The following SNX13 variants were observed in gnomAD, a reference collection of about 807,000 sequenced individuals.
The protein encoded by SNX13 is sorting nexin-13.
SNX13 carries 45 observed loss-of-function variants against 133.6 expected under a neutral mutation model. That is an observed-to-expected ratio of 0.34 (90% CI 0.27 to 0.43). The LOEUF is 0.43. SNX13 is among the 20% of genes least tolerant of loss of function. The probability of loss-of-function intolerance (pLI) is 1.00; values close to 1 mark genes in which losing one functional copy is unlikely to be tolerated. For synonymous variants in SNX13, 414 were observed against 373.9 expected (o/e 1.11, Z -1.24); for missense variants, 1,032 against 1,145.1 (o/e 0.90, Z 1.43).
chr7:17,827,649 A>G (rs904660918), intron 16 of SNX13, among the ~76,000 whole-genome samples: 10 of 151,926 alleles, frequency 6.6e-5, no homozygotes, highest in Non-Finnish European at 1.3e-4. Context: ...TCTACTACCA[A>G]TACCTTAAGA....
Position 17,794,258 on chromosome 7 carries a change from T to A in SNX13, c.2661A>T (p.Thr887=). ...ELKHIIGAET[T]RKGILRVFEM... The stretch of plus-strand genomic sequence containing the variant: ...CAAAAACACGAAGAATACCTTTCCG[T>A]GTTGTCTCAGCCCCAATAATGTGCT... The change falls in exon 26 of 26, where the codon ACA becomes ACT. Residue 887 remains threonine, a synonymous_variant. Coordinates refer to ENST00000428135, the MANE Select transcript of SNX13 (RefSeq NM_015132.5). 1 of 1,611,480 alleles carries A rather than the reference T, an allele frequency of 6.2e-7. No individual in the cohort carries two copies.
chr7:17,805,246 T>TGCGC (rs1255822051), intron 20 of SNX13, among the ~76,000 whole-genome samples: 9 of 100,254 alleles, frequency 9.0e-5, no homozygotes, highest in South Asian at 3.0e-4. Context: ...TGTGTGTGTG[T>TGCGC]GTGTGCGTGC....
chr7:17,868,083 C>A (rs1793616453), intron 9 of SNX13, among the ~76,000 whole-genome samples: 1 of 151,846 alleles, frequency 6.6e-6, no homozygotes, highest in Admixed American at 6.6e-5. Flanking sequence ...GTTCAAATCC[C>A]AAGTTGTATT....
chr7:17,810,486 A>G (rs1714661731), intron 20 of SNX13, among the ~76,000 whole-genome samples: 1 of 152,126 alleles, frequency 6.6e-6, no homozygotes, highest in South Asian at 2.1e-4. Context: ...AGCCTACCAA[A>G]GAAAAAAAAA....
At position 17,862,754 on chromosome 7, in the gene SNX13, C is replaced by T. The variant is rs189107596; in HGVS notation, c.837+5653G>A. ...CTACTATAACCAATGCTGCTATGAA[C>T]GGTCTTAAATATACATTATTGGAGG... On this transcript the variant is annotated intron_variant, in intron 9 of 25. Transcript: ENST00000428135. 3.8e-3 allele frequency among the ~76,000 whole-genome samples: 578 copies of T among 152,194 alleles called. 5 individuals are homozygous for T. The highest frequency in any genetic ancestry group is 0.013 in the African/African-American group (537 of 41,526).
intron 20 of SNX13, among the ~76,000 whole-genome samples, chr7:17,809,914 G>C (rs888603590): frequency 2.6e-5 from 4 of 152,168 alleles, no homozygotes; most frequent in African/African-American, 9.7e-5. Context: ...TACGTTCCTT[G>C]AAACTAATGA....
chr7:17,803,644 G>A, intron 20 of SNX13, 64 bp from the exon 21 acceptor site: 1 of 1,431,836 alleles, frequency 7.0e-7, no homozygotes, highest in Non-Finnish European at 9.4e-7. Flanking sequence ...CAAATGACAA[G>A]CCTTGGAAAA....
At chr7:17,919,581 G>A (rs1298906886) in intron 1 of SNX13, among the ~76,000 whole-genome samples, 1 of 152,082 alleles carries the variant, frequency 6.6e-6, no homozygotes, top group Non-Finnish European at 1.5e-5. Flanking sequence ...ACACAACTTA[G>A]AAATGTACCC....
At chr7:17,801,482 TATA>T in intron 22 of SNX13, 103 bp downstream of exon 22, 2 of 788,650 alleles carry the variant, frequency 2.5e-6, no homozygotes, top group Non-Finnish European at 4.0e-6. Context: ...GCTTAACACT[TATA>T]ATATGTGCAC....
chr7:17,840,536 T>C (rs1369860904), intron 12 of SNX13, among the ~76,000 whole-genome samples: 1 of 152,068 alleles, frequency 6.6e-6, no homozygotes, highest in Non-Finnish European at 1.5e-5. Context: ...ACAGGTTATA[T>C]ACATTGTATG....
intron 9 of SNX13, among the ~76,000 whole-genome samples, chr7:17,863,529 T>C (rs1273567924): frequency 6.6e-6 from 1 of 152,206 alleles, no homozygotes; most frequent in Non-Finnish European, 1.5e-5. Context: ...CCCAAGAATA[T>C]ACATCTTTCC....
intron 12 of SNX13, among the ~76,000 whole-genome samples, chr7:17,841,975 C>A (rs1789959946): frequency 1.3e-5 from 2 of 151,756 alleles, no homozygotes; most frequent in South Asian, 2.1e-4. Context: ...TGTAAAAATA[C>A]AAAGAAGAGT....
In SNX13 at chr7:17,834,832, C is replaced by T. The variant is rs767896508; in HGVS notation, c.1393G>A (p.Val465Ile). The T allele has an allele frequency of 1.7e-5, 28 of 1,609,202 alleles. 1 individual carries two copies. The South Asian group carries it at 2.9e-4, about 16-fold the overall frequency. ...SPRVTVDDYL[V>I]AKLADTLNHE... is the part of the protein sequence containing the mutation. ...TTCAAAGTATCTGCTAATTTTGCTA[C>T]TAAATAGTCATCAACAGTAACTCTT... Residue 465 changes from valine to isoleucine, a missense_variant, in exon 14 of 26, where the codon GTA becomes ATA. Physicochemically the swap from Val to Ile is conservative, Grantham distance 29 (BLOSUM62 3). Transcript: ENST00000428135.
At chr7:17,802,858 G>C (rs1276151012) in intron 21 of SNX13, among the ~76,000 whole-genome samples, 1 of 151,804 alleles carries the variant, frequency 6.6e-6, no homozygotes, top group African/African-American at 2.4e-5. Context: ...AAACTACACA[G>C]TCTAGTACCT....
intron 9 of SNX13, among the ~76,000 whole-genome samples, 166 bp from the exon 10 acceptor site, chr7:17,851,130 A>G (rs1004410103): frequency 6.6e-6 from 1 of 152,244 alleles, no homozygotes; most frequent in African/African-American, 2.4e-5. Context: ...AATGGATCTT[A>G]GACTGCAAAT....
intron 9 of SNX13, among the ~76,000 whole-genome samples, chr7:17,862,274 TTTAAG>T (rs1792800890): frequency 6.6e-6 from 1 of 152,210 alleles, no homozygotes; most frequent in African/African-American, 2.4e-5. Flanking sequence ...ATCCTGATTA[TTTAAG>T]TTTAGTATAC....
chr7:17,901,734 G>A (rs769659972), intron 1 of SNX13, among the ~76,000 whole-genome samples: 12 of 152,168 alleles, frequency 7.9e-5, no homozygotes, highest in Non-Finnish European at 1.6e-4. Context: ...ACCATCTTCA[G>A]TGCCTCTTGC....
intron 1 of SNX13, among the ~76,000 whole-genome samples, chr7:17,933,350 T>C (rs949675564): frequency 6.6e-6 from 1 of 152,128 alleles, no homozygotes; most frequent in Non-Finnish European, 1.5e-5. Flanking sequence ...GAGACCATCG[T>C]GGCTAACCTG....
chr7:17,857,401 TCTAACA>T, intron 9 of SNX13, among the ~76,000 whole-genome samples: 1 of 152,126 alleles, frequency 6.6e-6, no homozygotes, highest in African/African-American at 2.4e-5. Context: ...CCAGCATTAC[TCTAACA>T]CCAACACCAG....
Sources: gnomAD v4.1 joint callset for allele counts (sites outside exome capture counted in the v4.1 genomes callset) on GRCh38, gnomAD v4.1.1 for gene constraint, MANE v1.5 for transcripts, NCBI Gene and HGNC (gene_info 2026-07-23, HGNC 2026-07-21) for gene names.